The following GPR39 variants were observed in gnomAD, a reference collection of about 807,000 sequenced individuals.
GPR39 encodes zinc sensing receptor.
GPR39 carries 23 observed loss-of-function variants against 18.4 expected under a neutral mutation model. The observed-to-expected ratio is 1.25, with a 90% CI of 0.90 to 1.77. The LOEUF (loss-of-function observed/expected upper bound fraction) is 1.77. Ranked by LOEUF, GPR39 falls within the 40% of genes most tolerant of loss-of-function variation. The pLI is 0.00. For synonymous variants in GPR39, 280 were observed against 257.9 expected, an observed-to-expected ratio of 1.09 and a Z score of -0.82; for missense variants, 647 against 602.4, an observed-to-expected ratio of 1.07 and a Z score of -0.78.
intron 1 of GPR39, among the ~76,000 whole-genome samples, chr2:132,517,608 A>G (rs1052093045): frequency 3.9e-5 from 6 of 152,244 alleles, no homozygotes; most frequent in African/African-American, 1.4e-4. Flanking sequence ...CTCAGCTCAA[A>G]GGAACTGCTT....
intron 1 of GPR39, among the ~76,000 whole-genome samples, chr2:132,633,391 GT>G (rs1451397064): frequency 6.7e-6 from 1 of 149,564 alleles, no homozygotes; most frequent in Non-Finnish European, 1.5e-5. Context: ...TGTTGTAGGA[GT>G]TAAGGCCTTA....
chr2:132,619,854 C>CAT (rs1387703779), intron 1 of GPR39, among the ~76,000 whole-genome samples: 1 of 97,912 alleles, frequency 1.0e-5, no homozygotes, highest in African/African-American at 5.3e-5. Context: ...CACACACACA[C>CAT]ACAGACACAC....
chr2:132,436,683 C>T (rs1680324509), intron 1 of GPR39, among the ~76,000 whole-genome samples: 1 of 151,992 alleles, frequency 6.6e-6, no homozygotes, highest in African/African-American at 2.4e-5. Context: ...TAGTAAAGAG[C>T]CCCCCGGCTT....
At chr2:132,492,414 T>C (rs1681491814) in intron 1 of GPR39, among the ~76,000 whole-genome samples, 1 of 142,328 alleles carries the variant, frequency 7.0e-6, no homozygotes, top group East Asian at 2.1e-4. Flanking sequence ...ACATACCATA[T>C]ATATACCATA....
chr2:132,606,588 T>A (rs1681141716), intron 1 of GPR39, among the ~76,000 whole-genome samples: 1 of 152,242 alleles, frequency 6.6e-6, no homozygotes, highest in East Asian at 1.9e-4. Flanking sequence ...TATTACAGTG[T>A]GCTCCTTCAG....
At chr2:132,540,471 CTG>C (rs920944718) in intron 1 of GPR39, among the ~76,000 whole-genome samples, 1 of 152,192 alleles carries the variant, frequency 6.6e-6, no homozygotes, top group Non-Finnish European at 1.5e-5. Flanking sequence ...ATTCCTGACA[CTG>C]TCATTAACTG....
chr2:132,560,035 C>G (rs528711561), intron 1 of GPR39, among the ~76,000 whole-genome samples: 10 of 152,274 alleles, frequency 6.6e-5, no homozygotes, highest in Admixed American at 4.6e-4. Context: ...GTACTGCATA[C>G]TGGTAATAGC....
intron 1 of GPR39, among the ~76,000 whole-genome samples, chr2:132,596,776 T>A (rs547803899): frequency 6.6e-6 from 1 of 152,326 alleles, no homozygotes; most frequent in South Asian, 2.1e-4. Context: ...ATGACCAAAC[T>A]GAACCCTAGA....
chr2:132,483,927 T>G (rs780187114), intron 1 of GPR39, among the ~76,000 whole-genome samples: 1 of 152,204 alleles, frequency 6.6e-6, no homozygotes, highest in Non-Finnish European at 1.5e-5. Context: ...GGAATCCAGA[T>G]AGTATGTCAG....
chr2:132,454,741 A>G (rs527511043), intron 1 of GPR39, among the ~76,000 whole-genome samples: 3 of 151,908 alleles, frequency 2.0e-5, no homozygotes, highest in African/African-American at 7.3e-5. Context: ...TGAGATAATC[A>G]TGTGGTTTTT....
At chr2:132,517,298 G>T (rs1206851023) in intron 1 of GPR39, among the ~76,000 whole-genome samples, 3 of 152,090 alleles carry the variant, frequency 2.0e-5, no homozygotes, top group Non-Finnish European at 4.4e-5. Context: ...CATTTTGGGG[G>T]AGGTTAGTTG....
intron 1 of GPR39, among the ~76,000 whole-genome samples, chr2:132,588,808 G>T (rs1680777481): frequency 6.6e-6 from 1 of 152,168 alleles, no homozygotes; most frequent in South Asian, 2.1e-4. Context: ...GATGAGCAGA[G>T]GAGGACTGGA....
chr2:132,449,483 G>A (rs1473569070), intron 1 of GPR39, among the ~76,000 whole-genome samples: 1 of 152,108 alleles, frequency 6.6e-6, no homozygotes, highest in African/African-American at 2.4e-5. Context: ...TCCTGACCTC[G>A]TGATCCGCCT....
chr2:132,466,132 C>T (rs1253065414), intron 1 of GPR39, among the ~76,000 whole-genome samples: 3 of 152,110 alleles, frequency 2.0e-5, no homozygotes, highest in Non-Finnish European at 4.4e-5. Context: ...TGTCTCTGAG[C>T]AGTCATTGTA....
At chr2:132,521,600 G>A (rs1397288786) in intron 1 of GPR39, among the ~76,000 whole-genome samples, 2 of 152,280 alleles carry the variant, frequency 1.3e-5, no homozygotes, top group Middle Eastern at 3.4e-3. Context: ...ATATTTGGAA[G>A]CATCTCTCAA....
At chr2:132,501,944 C>T (rs958831832) in intron 1 of GPR39, among the ~76,000 whole-genome samples, 1 of 152,088 alleles carries the variant, frequency 6.6e-6, no homozygotes, top group Non-Finnish European at 1.5e-5. Flanking sequence ...TTTTCCACAC[C>T]TTTACCTTAA....
chr2:132,631,927 A>G (rs1025267650), intron 1 of GPR39, among the ~76,000 whole-genome samples: 3 of 151,620 alleles, frequency 2.0e-5, no homozygotes, highest in Non-Finnish European at 4.4e-5. Context: ...GTTTCAAGCA[A>G]TCCTCCCACC....
At chr2:132,473,546 A>G (rs948513787) in intron 1 of GPR39, among the ~76,000 whole-genome samples, 1 of 152,166 alleles carries the variant, frequency 6.6e-6, no homozygotes, top group Non-Finnish European at 1.5e-5. Context: ...TGATGCCATC[A>G]CTAATGGATA....
chr2:132,476,094 T>A (rs1460528338), intron 1 of GPR39, among the ~76,000 whole-genome samples: 1 of 152,138 alleles, frequency 6.6e-6, no homozygotes, highest in Non-Finnish European at 1.5e-5. Context: ...AGTCTGAGAT[T>A]ACACTCTAGT....
Sources: allele counts gnomAD v4.1 joint callset (sites outside exome capture counted in the v4.1 genomes callset), GRCh38; gene constraint gnomAD v4.1.1; transcripts MANE v1.5; gene names NCBI Gene and HGNC (gene_info 2026-07-23, HGNC 2026-07-21).